THRB: variants seen among roughly 807,000 people sequenced by gnomAD.
The protein encoded by THRB is thyroid hormone receptor beta.
THRB carries 12 observed loss-of-function variants against 47.8 expected under a neutral mutation model. The ratio of observed to expected loss-of-function variants is 0.25; its 90% CI spans 0.16 to 0.41. THRB has a LOEUF of 0.41. Ranked by LOEUF, THRB falls within the 10% of genes least tolerant of loss-of-function variation. THRB has a pLI of 1.00. For synonymous variants in THRB, 218 were observed against 212.2 expected (o/e 1.03, Z -0.24); for missense variants, 348 against 589.2 (o/e 0.59, Z 4.24).
chr3:24,441,329 C>T (rs1004009933), intron 1 of THRB, among the ~76,000 whole-genome samples: 7 of 152,096 alleles, frequency 4.6e-5, no homozygotes, highest in Admixed American at 3.3e-4. Flanking sequence ...AGTGTGTACA[C>T]GATTGGGTAG....
intron 1 of THRB, among the ~76,000 whole-genome samples, chr3:24,450,732 T>A (rs2072566171): frequency 1.3e-5 from 2 of 152,136 alleles, no homozygotes; most frequent in Non-Finnish European, 2.9e-5. Context: ...TATAGTAGGC[T>A]CAGCTTTTTT....
chr3:24,271,113 G>C (rs530812339), intron 3 of THRB, among the ~76,000 whole-genome samples: 24 of 152,204 alleles, frequency 1.6e-4, no homozygotes, highest in African/African-American at 5.8e-4. Context: ...TTTTCGTTGA[G>C]GATAGAAAGG....
intron 8 of THRB, among the ~76,000 whole-genome samples, chr3:24,138,362 T>G (rs900761216): frequency 7.2e-5 from 11 of 151,926 alleles, no homozygotes; most frequent in Non-Finnish European, 1.5e-5. Context: ...GCCTCACCCT[T>G]TTCCTGGGAT....
intron 4 of THRB, among the ~76,000 whole-genome samples, chr3:24,222,398 C>G (rs753726237): frequency 6.6e-6 from 1 of 152,022 alleles, no homozygotes; most frequent in African/African-American, 2.4e-5. Context: ...GGCTCACAGT[C>G]TTGAAGGTGG....
Position 24,335,360 on chromosome 3 carries a change from A to G in THRB, c.-189+1940T>C, listed in dbSNP as rs564633263. 2.0e-5 allele frequency among the ~76,000 whole-genome samples: 3 copies of G among 152,332 alleles called. No homozygotes were observed. The South Asian group carries it at 6.2e-4, about 32-fold the overall frequency. ...GTGATTATTGAACAAAAAATATTAG[A>G]ACAGCATGATTTTCAATCTTCAGAA... On this transcript the variant is annotated intron_variant, in intron 2 of 10. Transcript: ENST00000646209.
At chr3:24,414,662 C>T (rs1226980942) in intron 1 of THRB, among the ~76,000 whole-genome samples, 2 of 151,786 alleles carry the variant, frequency 1.3e-5, no homozygotes, top group Non-Finnish European at 2.9e-5. Flanking sequence ...TCTGCAACAG[C>T]CACGTAATTC....
intron 1 of THRB, among the ~76,000 whole-genome samples, chr3:24,376,641 A>T (rs1485742154): frequency 1.0e-5 from 1 of 98,772 alleles, no homozygotes; most frequent in Non-Finnish European, 2.1e-5. Flanking sequence ...TTCAGCTGAG[A>T]CTCCAAAAAA....
At chr3:24,363,842 T>A (rs1487711413) in intron 1 of THRB, among the ~76,000 whole-genome samples, 2 of 152,226 alleles carry the variant, frequency 1.3e-5, no homozygotes, top group Non-Finnish European at 2.9e-5. Context: ...TCTAAAATTC[T>A]ATGCTTGGAA....
Position 24,120,576 on chromosome 3 carries a change from GAA to G in THRB, c.*2306_*2307del, listed in dbSNP as rs1440756064. 1 of 152,292 alleles carries G rather than the reference GAA, an allele frequency of 6.6e-6. No individual in the cohort carries two copies. The highest frequency in any genetic ancestry group is 1.5e-5 in the Non-Finnish European group (1 of 68,086). The allele number at this position is 152,292 out of a possible 1,614,324, so 9.4% of individuals were successfully genotyped here. ...GCCTTCCTCTCATTCCCTTTGGAAA[GAA>G]AGCTTGCCCCAGACAGCAGAGCTTC... On this transcript the variant is annotated 3_prime_UTR_variant, in exon 11 of 11. Coordinates refer to ENST00000646209, the MANE Select transcript of THRB (RefSeq NM_001354712.2).
chr3:24,487,784 C>G (rs989707601), intron 1 of THRB, among the ~76,000 whole-genome samples: 1 of 152,076 alleles, frequency 6.6e-6, no homozygotes, highest in Non-Finnish European at 1.5e-5. Context: ...TATGGACATG[C>G]CAGTTGTTAA....
At chr3:24,149,818 C>T (rs1479684471) in intron 6 of THRB, among the ~76,000 whole-genome samples, 1 of 152,144 alleles carries the variant, frequency 6.6e-6, no homozygotes, top group African/African-American at 2.4e-5. Context: ...AAACAGTCTA[C>T]TTATTTTAAA....
intron 3 of THRB, among the ~76,000 whole-genome samples, chr3:24,232,084 T>C (rs2048315497): frequency 6.6e-6 from 1 of 152,126 alleles, no homozygotes; most frequent in Non-Finnish European, 1.5e-5. Context: ...TTAGATCCAG[T>C]GAGGGTCTGT....
At chr3:24,222,778 A>C (rs2047286418) in intron 4 of THRB, among the ~76,000 whole-genome samples, 1 of 152,176 alleles carries the variant, frequency 6.6e-6, no homozygotes, top group African/African-American at 2.4e-5. Context: ...ATACTGAAGA[A>C]ATAAAATCAA....
At chr3:24,253,713 T>C (rs1189472456) in intron 3 of THRB, among the ~76,000 whole-genome samples, 1 of 152,170 alleles carries the variant, frequency 6.6e-6, no homozygotes, top group Non-Finnish European at 1.5e-5. Flanking sequence ...TCCTGGTTTT[T>C]CAATCCTGAC....
chr3:24,396,928 C>A (rs1013184638), intron 1 of THRB, among the ~76,000 whole-genome samples: 11 of 152,034 alleles, frequency 7.2e-5, no homozygotes, highest in African/African-American at 2.2e-4. Flanking sequence ...TGTTGAATGA[C>A]CAACTGCATT....
intron 1 of THRB, among the ~76,000 whole-genome samples, chr3:24,374,921 C>G (rs1292895126): frequency 1.3e-5 from 2 of 152,026 alleles, no homozygotes; most frequent in Non-Finnish European, 1.5e-5. Context: ...TTAAATTTCA[C>G]CATACTTACC....
In THRB at chr3:24,406,510, G is replaced by T. The variant is rs538135142; in HGVS notation, c.-260-69139C>A. On this transcript the variant is annotated intron_variant, in intron 1 of 10. Transcript: ENST00000646209. Reference sequence around the variant, plus strand: ...GTCATGGTTTGTTATTGTTTATAATGTCTGCAAGACTAAATTTGCCAGAAT... The same window carrying T: ...GTCATGGTTTGTTATTGTTTATAATTTCTGCAAGACTAAATTTGCCAGAAT... Among the ~76,000 whole-genome samples the T allele has an allele frequency of 2.6e-5, 4 of 151,570 alleles. No individual in the cohort carries two copies. The South Asian group carries it at 8.3e-4, about 31-fold the overall frequency.
At chr3:24,346,139 A>G (rs995167850) in intron 1 of THRB, among the ~76,000 whole-genome samples, 24 of 152,236 alleles carry the variant, frequency 1.6e-4, no homozygotes, top group African/African-American at 5.8e-4. Context: ...TAAAACAATA[A>G]TTGTTATATC....
At chr3:24,244,570 G>T (rs1414948535) in intron 3 of THRB, among the ~76,000 whole-genome samples, 1 of 152,056 alleles carries the variant, frequency 6.6e-6, no homozygotes, top group Non-Finnish European at 1.5e-5. Context: ...TCTTTTCTAG[G>T]CCTCCAGGTC....
Sources: allele counts gnomAD v4.1 joint callset (sites outside exome capture counted in the v4.1 genomes callset), GRCh38; gene constraint gnomAD v4.1.1; transcripts MANE v1.5; gene names NCBI Gene and HGNC (gene_info 2026-07-23, HGNC 2026-07-21).